IDE: variants seen among roughly 807,000 people sequenced by gnomAD.
The protein encoded by IDE is insulin degrading enzyme, also known as insulin-degrading enzyme.
In IDE, 58 loss-of-function variants were observed where a neutral mutation model predicts 133.2. The observed-to-expected ratio is 0.44, with a 90% CI of 0.35 to 0.54. The LOEUF (loss-of-function observed/expected upper bound fraction) is 0.54, where lower values mean the gene tolerates loss of function less well. Among genes scored for constraint, IDE ranks in the 20% least tolerant of loss-of-function variants. The pLI, the probability that IDE is intolerant of heterozygous loss-of-function variation, is 0.00. For missense variants in IDE, 981 were observed against 1,234.0 expected, an observed-to-expected ratio of 0.79 and a Z score of 3.07; for synonymous variants, 396 against 421.3, an observed-to-expected ratio of 0.94 and a Z score of 0.73.
intron 4 of IDE, among the ~76,000 whole-genome samples, chr10:92,521,323 C>G (rs555549187): frequency 2.5e-4 from 38 of 151,998 alleles, no homozygotes; most frequent in Non-Finnish European, 4.7e-4. Context: ...TTGATCAAGC[C>G]TCTATATCCA....
chr10:92,527,276 G>T (rs190873347), intron 4 of IDE, among the ~76,000 whole-genome samples: 1 of 152,212 alleles, frequency 6.6e-6, no homozygotes, highest in African/African-American at 2.4e-5. Context: ...GTTTGTGGAT[G>T]TTTCCAGGGC....
intron 1 of IDE, among the ~76,000 whole-genome samples, chr10:92,547,016 TCC>T (rs1313475748): frequency 1.3e-5 from 2 of 152,150 alleles, no homozygotes; most frequent in African/African-American, 4.8e-5. Flanking sequence ...ATGGGCAACC[TCC>T]CACAGATGCT....
At chr10:92,546,829 T>C (rs1200717450) in intron 1 of IDE, among the ~76,000 whole-genome samples, 1 of 152,226 alleles carries the variant, frequency 6.6e-6, no homozygotes, top group Non-Finnish European at 1.5e-5. Context: ...TAGCTAAGTA[T>C]AACATAGATA....
intron 1 of IDE, among the ~76,000 whole-genome samples, chr10:92,556,029 G>C (rs1033703778): frequency 3.3e-4 from 50 of 151,150 alleles, no homozygotes; most frequent in African/African-American, 1.1e-3. Context: ...AAAAATTAGC[G>C]GGGCGCGGTG....
chr10:92,524,439 A>AATATATATTATATATT (rs1849458055), intron 4 of IDE, among the ~76,000 whole-genome samples: 1 of 30,158 alleles, frequency 3.3e-5, no homozygotes, highest in East Asian at 4.7e-4. Flanking sequence ...TATTTTATAT[A>AATATATATTATATATT]ATATATTTTA....
chr10:92,564,722 C>T (rs79297836), intron 1 of IDE, among the ~76,000 whole-genome samples: 2,569 of 92,514 alleles, frequency 0.028, 43 homozygotes, highest in Admixed American at 0.064. Flanking sequence ...TGAAACTGTA[C>T]TAAATGTCCA....
intron 1 of IDE, among the ~76,000 whole-genome samples, chr10:92,561,860 G>A (rs576890886): frequency 9.9e-5 from 15 of 151,164 alleles, no homozygotes; most frequent in African/African-American, 2.4e-4. Flanking sequence ...CTGTACTTTC[G>A]GAGCAATTTA....
At position 92,506,442 on chromosome 10, in the gene IDE, A is replaced by G. The variant is rs1451477939; in HGVS notation, c.1326T>C (p.His442=). The change falls in exon 10 of 25, where the codon CAT becomes CAC. Residue 442 remains histidine (H), a splice_region_variant and synonymous_variant. Transcript: ENST00000265986. The part of the protein sequence containing the change: ...GYTSKIAGIL[H]YYPLEEVLTA... ...TACAGTAAAATAACAACAAACTTACATGCAATATTCCTGCAATCTTAGATG... is the reference window on the plus strand; with the variant it reads ...TACAGTAAAATAACAACAAACTTACGTGCAATATTCCTGCAATCTTAGATG... 4.0e-6 allele frequency: 6 copies of G among 1,496,236 alleles called. No individual in the cohort carries two copies. Among genetic ancestry groups the G allele is most frequent in the Non-Finnish European group, 4.6e-6 (5 of 1,078,816 alleles). The allele number at this position is 1,496,236 out of a possible 1,614,324, so 92.7% of individuals were successfully genotyped here.
intron 1 of IDE, among the ~76,000 whole-genome samples, chr10:92,549,444 T>G (rs1842681575): frequency 6.6e-6 from 1 of 152,162 alleles, no homozygotes. Flanking sequence ...CCCATCTATG[T>G]ATCTACATAT....
intron 1 of IDE, among the ~76,000 whole-genome samples, chr10:92,553,080 G>C (rs575421538): frequency 6.6e-6 from 1 of 151,902 alleles, no homozygotes; most frequent in South Asian, 2.1e-4. Context: ...TGAATTTTCA[G>C]CCGTAAGTTA....
In IDE at chr10:92,475,996, T is replaced by C. The variant is rs1485928804; in HGVS notation, c.1885-2A>G. On this transcript the variant is annotated splice_acceptor_variant, in intron 15 of 24. Transcript: ENST00000265986. LOFTEE classifies it high-confidence loss of function. ...GTCATTGTAACCTTTCACTGAAAGCTACAGAAAGAATTCAGGGTATTAAAA... is the reference window on the plus strand; with the variant it reads ...GTCATTGTAACCTTTCACTGAAAGCCACAGAAAGAATTCAGGGTATTAAAA... 1 of 1,319,684 alleles carries C rather than the reference T, an allele frequency of 7.6e-7. No individual in the cohort carries two copies. Among genetic ancestry groups the C allele is most frequent in the Non-Finnish European group, 1.1e-6 (1 of 933,602 alleles). 81.7% of individuals were successfully genotyped at this position (1,319,684 alleles called of 1,614,324 possible). A position where few individuals can be genotyped will look rare whatever the true frequency, so the allele number is the denominator to read the frequency against.
At chr10:92,467,784 T>G (rs999683477) in intron 19 of IDE, among the ~76,000 whole-genome samples, 4 of 152,176 alleles carry the variant, frequency 2.6e-5, no homozygotes, top group Admixed American at 2.6e-4. Flanking sequence ...CTGGCAAAAG[T>G]TGGAAATAAA....
At chr10:92,503,401 C>T (rs1425977244) in intron 11 of IDE, among the ~76,000 whole-genome samples, 1 of 152,162 alleles carries the variant, frequency 6.6e-6, no homozygotes, top group Non-Finnish European at 1.5e-5. Context: ...AACTCCTAGT[C>T]TCAAGTGATC....
chr10:92,470,312 G>A lies in IDE; in HGVS notation c.2150C>T (p.Pro717Leu), dbSNP rs1242841501. ...AATGTGCAGCCGTGACAGGAGCTGA[G>A]GTATGAAGGCCTTAAGGCGAGGAAG... is the stretch of plus-strand genomic sequence containing the variant. ...VTLPRLKAFI[P>L]QLLSRLHIEA... Residue 717 changes from proline (P) to leucine (L), a missense_variant, in exon 18 of 25, where the codon CCT becomes CTT. Pro to Leu is a moderately conservative substitution (Grantham distance 98). Coordinates refer to ENST00000265986, the MANE Select transcript of IDE (RefSeq NM_004969.4). 6.2e-7 allele frequency: 1 copy of A among 1,606,130 alleles called. No individual in the cohort carries two copies. The highest frequency in any genetic ancestry group is 8.5e-7 in the Non-Finnish European group (1 of 1,175,840).
chr10:92,471,343 A>C (rs1298544849), intron 17 of IDE, among the ~76,000 whole-genome samples: 1 of 152,220 alleles, frequency 6.6e-6, no homozygotes, highest in Non-Finnish European at 1.5e-5. Context: ...TGCAAATAAC[A>C]AGTGCTTACC....
Position 92,537,433 on chromosome 10 carries a change from A to G in IDE, c.216T>C (p.Gly72=). The G allele has an allele frequency of 6.2e-7, 1 of 1,614,020 alleles. No individual in the cohort carries two copies. The highest frequency in any genetic ancestry group is 8.5e-7 in the Non-Finnish European group (1 of 1,179,930). ...GATCACTGATAAGAAGTACTTTGATACCATTGGCCAGCTCTAGCCCTCGAT... is the reference window on the plus strand; with the variant it reads ...GATCACTGATAAGAAGTACTTTGATGCCATTGGCCAGCTCTAGCCCTCGAT... ...REYRGLELAN[G]IKVLLISDPT... Residue 72 remains glycine, a synonymous_variant, in exon 2 of 25, where the codon GGT becomes GGC. Transcript: ENST00000265986.
intron 4 of IDE, among the ~76,000 whole-genome samples, chr10:92,524,488 AT>A (rs71484296): frequency 0.063 from 1,184 of 18,762 alleles, 165 homozygotes; most frequent in Non-Finnish European, 0.09. Context: ...TATATATTAT[AT>A]TATAATATAT....
intron 4 of IDE, among the ~76,000 whole-genome samples, chr10:92,526,396 C>A (rs1416272658): frequency 4.6e-5 from 7 of 152,088 alleles, no homozygotes; most frequent in Non-Finnish European, 5.9e-5. Flanking sequence ...TATATGGAAT[C>A]AAGACAAGGA....
chr10:92,501,663 C>T (rs569686241), intron 11 of IDE, among the ~76,000 whole-genome samples: 4 of 144,238 alleles, frequency 2.8e-5, no homozygotes, highest in African/African-American at 1.0e-4. Flanking sequence ...AGCGAGACTC[C>T]GTCTAAAAAA....
Sources: gnomAD v4.1 joint callset for allele counts (sites outside exome capture counted in the v4.1 genomes callset) on GRCh38, gnomAD v4.1.1 for gene constraint, MANE v1.5 for transcripts, NCBI Gene and HGNC (gene_info 2026-07-23, HGNC 2026-07-21) for gene names.